CLYBL: variants seen among roughly 807,000 people sequenced by gnomAD.
CLYBL encodes the protein citramalyl-CoA lyase, also known as citramalyl-CoA lyase, mitochondrial.
A neutral mutation model predicts 38.9 loss-of-function variants in CLYBL; 31 were observed. The observed-to-expected ratio is 0.80, with a 90% confidence interval of 0.60 to 1.08. The LOEUF is 1.08. Among genes scored for constraint, CLYBL ranks in the 50% least tolerant of loss-of-function variants. CLYBL has a pLI of 0.00. For synonymous variants in CLYBL, 171 were observed against 158.6 expected (o/e 1.08, Z -0.59); for missense variants, 434 against 411.6 (o/e 1.05, Z -0.47).
At chr13:99,736,977 CA>C (rs911453148) in intron 1 of CLYBL, among the ~76,000 whole-genome samples, 1 of 150,796 alleles carries the variant, frequency 6.6e-6, no homozygotes, top group African/African-American at 2.4e-5. Flanking sequence ...AAATGAAAGC[CA>C]AAAAAAACCC....
At chr13:99,709,086 C>G (rs1162600401) in intron 1 of CLYBL, among the ~76,000 whole-genome samples, 1 of 151,474 alleles carries the variant, frequency 6.6e-6, no homozygotes, top group East Asian at 1.9e-4. Flanking sequence ...GAGCGAGACT[C>G]TGTCTAAAAA....
At chr13:99,833,007 C>T (rs9517893) in intron 2 of CLYBL, among the ~76,000 whole-genome samples, 30,572 of 51,002 alleles carry the variant, frequency 0.6, 9,853 homozygotes, top group Middle Eastern at 0.68. Flanking sequence ...TACATACATA[C>T]ATATATATAT....
chr13:99,867,465 T>C (rs533339490), intron 6 of CLYBL, among the ~76,000 whole-genome samples: 2 of 152,296 alleles, frequency 1.3e-5, no homozygotes, highest in African/African-American at 4.8e-5. Context: ...AGTTTGTTCT[T>C]GTGTTTTTTA....
At chr13:99,802,018 A>G (rs1202909119) in intron 2 of CLYBL, among the ~76,000 whole-genome samples, 5 of 152,192 alleles carry the variant, frequency 3.3e-5, no homozygotes, top group Admixed American at 2.0e-4. Flanking sequence ...CTCCATCTCA[A>G]AAAACAAAAA....
chr13:99,673,131 G>A (rs1043222652), intron 1 of CLYBL, among the ~76,000 whole-genome samples: 13 of 152,044 alleles, frequency 8.6e-5, no homozygotes, highest in Non-Finnish European at 1.9e-4. Context: ...GGTGCAACAG[G>A]GGCCAGGCAT....
chr13:99,862,475 G>C (rs958497682), intron 3 of CLYBL, among the ~76,000 whole-genome samples: 1 of 81,650 alleles, frequency 1.2e-5, no homozygotes, highest in Non-Finnish European at 2.4e-5. Flanking sequence ...GGTCTTCCTA[G>C]GTAAGCTAAA....
At chr13:99,758,543 C>G (rs1211612517) in intron 1 of CLYBL, among the ~76,000 whole-genome samples, 1 of 152,164 alleles carries the variant, frequency 6.6e-6, no homozygotes, top group Non-Finnish European at 1.5e-5. Context: ...GTGCTGAATA[C>G]AACTCAAGCA....
intron 1 of CLYBL, among the ~76,000 whole-genome samples, chr13:99,705,165 T>G (rs1189424329): frequency 6.6e-6 from 1 of 152,212 alleles, no homozygotes; most frequent in Non-Finnish European, 1.5e-5. Flanking sequence ...AGCAGCATTA[T>G]TCTTGATAGC....
At chr13:99,833,402 C>T (rs1201591527) in intron 2 of CLYBL, among the ~76,000 whole-genome samples, 1 of 151,782 alleles carries the variant, frequency 6.6e-6, no homozygotes, top group Non-Finnish European at 1.5e-5. Flanking sequence ...TTAAATAAGC[C>T]CTAAATGTTA....
intron 1 of CLYBL, among the ~76,000 whole-genome samples, chr13:99,682,798 G>T (rs1022115161): frequency 3.4e-5 from 5 of 148,722 alleles, no homozygotes; most frequent in Non-Finnish European, 6.0e-5. Flanking sequence ...GTACAGTGGC[G>T]TGATCTTGGC....
At chr13:99,850,734 T>C (rs993303043) in intron 2 of CLYBL, among the ~76,000 whole-genome samples, 2 of 152,200 alleles carry the variant, frequency 1.3e-5, no homozygotes, top group South Asian at 4.1e-4. Flanking sequence ...CCAATGTTCA[T>C]AGCAGCATTA....
chr13:99,749,691 C>T (rs547125663), intron 1 of CLYBL, among the ~76,000 whole-genome samples: 32 of 152,300 alleles, frequency 2.1e-4, no homozygotes, highest in African/African-American at 7.5e-4. Flanking sequence ...AATGTCTTCT[C>T]GGCCTTCCTG....
intron 1 of CLYBL, among the ~76,000 whole-genome samples, chr13:99,629,946 T>C (rs1447743962): frequency 1.3e-5 from 2 of 152,222 alleles, no homozygotes; most frequent in Admixed American, 6.5e-5. Context: ...TGACCTCTGC[T>C]AATGGACCTG....
At chr13:99,868,248 A>G (rs925254497) in intron 6 of CLYBL, among the ~76,000 whole-genome samples, 5 of 152,224 alleles carry the variant, frequency 3.3e-5, no homozygotes, top group Non-Finnish European at 7.3e-5. Context: ...CTGCATACCA[A>G]TAAGAGGTAA....
At chr13:99,820,835 G>A (rs558223945) in intron 2 of CLYBL, among the ~76,000 whole-genome samples, 1 of 152,296 alleles carries the variant, frequency 6.6e-6, no homozygotes, top group East Asian at 1.9e-4. Flanking sequence ...GTGCATTATC[G>A]TGAGCGTCCA....
chr13:99,768,186 C>CCT (rs1566318728), intron 1 of CLYBL, among the ~76,000 whole-genome samples: 1 of 83,950 alleles, frequency 1.2e-5, no homozygotes, highest in African/African-American at 4.5e-5. Context: ...CAAGTCTTTT[C>CCT]TTTTTCTTTT....
At chr13:99,641,154 C>T (rs1352009322) in intron 1 of CLYBL, among the ~76,000 whole-genome samples, 1 of 152,120 alleles carries the variant, frequency 6.6e-6, no homozygotes, top group Non-Finnish European at 1.5e-5. Context: ...CAGTGCAAGC[C>T]TACAGTCATA....
chr13:99,651,552 A>G (rs772019668), intron 1 of CLYBL, among the ~76,000 whole-genome samples: 2 of 152,120 alleles, frequency 1.3e-5, no homozygotes, highest in Non-Finnish European at 2.9e-5. Flanking sequence ...CCTGGGTGAC[A>G]CAGCGAGACC....
rs542550717 is a variant in CLYBL at position 99,673,889 on chromosome 13, A to G, written c.62+67132A>G. Among the ~76,000 whole-genome samples the G allele has an allele frequency of 6.6e-5, 10 of 152,258 alleles. No homozygotes were observed. In the East Asian group the frequency reaches 9.7e-4, roughly 15 times the overall value. The stretch of plus-strand genomic sequence containing the variant: ...AAACTGAGTGAGATGTACCTGGGAT[A>G]TGTTTCGAAGCAGAATCAATGAGAT... On this transcript the variant is annotated intron_variant, in intron 1 of 8. Coordinates refer to ENST00000339105, the MANE Select transcript of CLYBL (RefSeq NM_206808.5).
Sources: allele counts gnomAD v4.1 joint callset (sites outside exome capture counted in the v4.1 genomes callset), GRCh38; gene constraint gnomAD v4.1.1; transcripts MANE v1.5; gene names NCBI Gene and HGNC (gene_info 2026-07-23, HGNC 2026-07-21).